Variants in RIT2 observed in about 807,000 individuals in gnomAD.
The protein encoded by RIT2 is GTP-binding protein Rit2.
A neutral mutation model predicts 23.7 loss-of-function variants in RIT2; 24 were observed. The observed-to-expected ratio is 1.01, with a 90% CI of 0.73 to 1.43. RIT2 has a LOEUF of 1.43. Ranked by LOEUF, RIT2 falls within the 40% of genes most tolerant of loss-of-function variation. The pLI is 0.00. For missense variants in RIT2, 236 were observed against 266.9 expected (o/e 0.88, Z 0.81); for synonymous variants, 107 against 91.1 (o/e 1.17, Z -0.99).
chr18:42,901,066 G>T (rs1908463243), intron 4 of RIT2, among the ~76,000 whole-genome samples: 1 of 152,024 alleles, frequency 6.6e-6, no homozygotes, highest in South Asian at 2.1e-4. Flanking sequence ...CAAGGTAGTG[G>T]CATCAAATTG....
chr18:42,859,229 CTTGT>C (rs1387474204), intron 4 of RIT2, among the ~76,000 whole-genome samples: 1 of 151,982 alleles, frequency 6.6e-6, no homozygotes, highest in African/African-American at 2.4e-5. Flanking sequence ...TGGGCTATGC[CTTGT>C]TTATTTTTGA....
chr18:43,081,373 A>C (rs1388018552), intron 1 of RIT2, among the ~76,000 whole-genome samples: 2 of 152,178 alleles, frequency 1.3e-5, no homozygotes, highest in Non-Finnish European at 2.9e-5. Flanking sequence ...AATTATGGTT[A>C]ATATTTATTG....
At chr18:43,085,065 C>A (rs773083320) in intron 1 of RIT2, among the ~76,000 whole-genome samples, 1 of 151,438 alleles carries the variant, frequency 6.6e-6, no homozygotes, top group Non-Finnish European at 1.5e-5. Context: ...GAGAAGGAAG[C>A]GGGAGGCTTT....
chr18:43,015,490 T>A (rs1911453134), intron 2 of RIT2, among the ~76,000 whole-genome samples: 1 of 151,726 alleles, frequency 6.6e-6, no homozygotes, highest in African/African-American at 2.4e-5. Context: ...AGTAAAAAAG[T>A]GATCTAACTT....
At chr18:42,869,658 T>G (rs1907569105) in intron 4 of RIT2, among the ~76,000 whole-genome samples, 1 of 152,220 alleles carries the variant, frequency 6.6e-6, no homozygotes, top group Admixed American at 6.5e-5. Flanking sequence ...TTTGATCTGG[T>G]TAAAACTTTC....
At chr18:43,087,181 G>T (rs892294886) in intron 1 of RIT2, among the ~76,000 whole-genome samples, 25 of 152,152 alleles carry the variant, frequency 1.6e-4, no homozygotes, top group African/African-American at 5.3e-4. Context: ...GGTGGAGGTT[G>T]CAGTGAGCTG....
Position 42,772,809 on chromosome 18 carries a change from G to A in RIT2, c.427-29089C>T, listed in dbSNP as rs990242097. ...AGTTGAAATTTTCAGCCTCACCCCCGAAACTCTGGGAAGGGAAGTCCTGGG... is the reference window on the plus strand; with the variant it reads ...AGTTGAAATTTTCAGCCTCACCCCCAAAACTCTGGGAAGGGAAGTCCTGGG... On this transcript the variant is annotated intron_variant, in intron 4 of 4. Transcript: ENST00000326695. 5.9e-5 allele frequency among the ~76,000 whole-genome samples: 9 copies of A among 152,108 alleles called. No individual in the cohort carries two copies. The South Asian group carries it at 6.2e-4, about 10-fold the overall frequency.
At chr18:42,789,999 C>T (rs1158016331) in intron 4 of RIT2, among the ~76,000 whole-genome samples, 1 of 152,256 alleles carries the variant, frequency 6.6e-6, no homozygotes, top group East Asian at 1.9e-4. Flanking sequence ...TATATTCCTT[C>T]TATTCCTAGT....
chr18:42,997,600 A>C (rs1385773793), intron 2 of RIT2, among the ~76,000 whole-genome samples: 1 of 152,010 alleles, frequency 6.6e-6, no homozygotes, highest in Non-Finnish European at 1.5e-5. Context: ...CGTATCCCAT[A>C]TGTGTTGTCA....
At chr18:42,954,137 G>T (rs1909915881) in intron 3 of RIT2, among the ~76,000 whole-genome samples, 1 of 152,024 alleles carries the variant, frequency 6.6e-6, no homozygotes, top group African/African-American at 2.4e-5. Flanking sequence ...CAGCACTTTG[G>T]GAGGCCGAGG....
chr18:42,811,519 G>A (rs1056765778), intron 4 of RIT2, among the ~76,000 whole-genome samples: 1 of 152,154 alleles, frequency 6.6e-6, no homozygotes, highest in East Asian at 1.9e-4. Context: ...CTTACATACA[G>A]TCAAATGGTT....
chr18:42,762,692 T>G (rs1031765440), intron 4 of RIT2, among the ~76,000 whole-genome samples: 2 of 152,214 alleles, frequency 1.3e-5, no homozygotes, highest in African/African-American at 4.8e-5. Context: ...TTTGTCATAT[T>G]AGAATTTCTG....
At chr18:43,042,934 AT>A (rs1912162194) in intron 1 of RIT2, among the ~76,000 whole-genome samples, 2 of 152,134 alleles carry the variant, frequency 1.3e-5, no homozygotes, top group African/African-American at 4.8e-5. Context: ...TAAATACAGC[AT>A]TTTCAACAAG....
At chr18:42,747,197 A>G (rs563495838) in intron 4 of RIT2, among the ~76,000 whole-genome samples, 1 of 152,154 alleles carries the variant, frequency 6.6e-6, no homozygotes, top group South Asian at 2.1e-4. Flanking sequence ...AATTCAGCAA[A>G]TTACAGGATA....
chr18:42,966,102 C>A (rs1910217872), intron 3 of RIT2, among the ~76,000 whole-genome samples: 1 of 152,056 alleles, frequency 6.6e-6, no homozygotes, highest in Non-Finnish European at 1.5e-5. Context: ...GAAGCTCCTT[C>A]TAATTTTTTA....
At chr18:43,016,817 T>G (rs1196830069) in intron 2 of RIT2, among the ~76,000 whole-genome samples, 3 of 151,906 alleles carry the variant, frequency 2.0e-5, no homozygotes, top group Non-Finnish European at 4.4e-5. Context: ...GCTGAATAAA[T>G]GCATACTAAT....
At chr18:43,015,925 C>T (rs961209902) in intron 2 of RIT2, among the ~76,000 whole-genome samples, 5 of 151,714 alleles carry the variant, frequency 3.3e-5, no homozygotes, top group African/African-American at 1.2e-4. Context: ...TACTTGTAAC[C>T]CCTGTCTATC....
chr18:42,850,410 A>G (rs1448556725), intron 4 of RIT2, among the ~76,000 whole-genome samples: 2 of 152,168 alleles, frequency 1.3e-5, no homozygotes, highest in Non-Finnish European at 2.9e-5. Flanking sequence ...GTAAAGAGTA[A>G]AGTTGGCCTG....
intron 1 of RIT2, among the ~76,000 whole-genome samples, chr18:43,054,248 A>G (rs957606758): frequency 5.9e-5 from 9 of 152,102 alleles, no homozygotes; most frequent in African/African-American, 4.8e-5. Flanking sequence ...ACCTGAAGGT[A>G]GACAGGATTA....
Sources: gnomAD v4.1 joint callset for allele counts (sites outside exome capture counted in the v4.1 genomes callset) on GRCh38, gnomAD v4.1.1 for gene constraint, MANE v1.5 for transcripts, NCBI Gene and HGNC (gene_info 2026-07-23, HGNC 2026-07-21) for gene names.